LIG1: variants seen among roughly 807,000 people sequenced by gnomAD.
LIG1 encodes the protein DNA ligase 1, also known as ligase I, DNA, ATP-dependent.
In LIG1, 70 loss-of-function variants were observed where a neutral mutation model predicts 115.7. The ratio of observed to expected loss-of-function variants is 0.60; its 90% confidence interval spans 0.50 to 0.74. LIG1 has a LOEUF of 0.74. Among genes scored for constraint, LIG1 ranks in the 30% least tolerant of loss-of-function variants. The pLI is 0.00. For missense variants in LIG1, 1,115 were observed against 1,225.6 expected, an observed-to-expected ratio of 0.91 and a Z score of 1.35; for synonymous variants, 487 against 495.3, an observed-to-expected ratio of 0.98 and a Z score of 0.22.
At position 48,124,843 on chromosome 19, in the gene LIG1, C is replaced by T. The variant is rs142748801; in HGVS notation, c.2005-1525G>A. 1.3e-4 allele frequency among the ~76,000 whole-genome samples: 20 copies of T among 152,032 alleles called. No homozygotes were observed. In the East Asian group the frequency reaches 3.5e-3, roughly 27 times the overall value. On this transcript the variant is annotated intron_variant, in intron 21 of 27. Coordinates refer to ENST00000263274, the MANE Select transcript of LIG1 (RefSeq NM_000234.3). ...CAGCCTGGCCAACATGGTGAAACCC[C>T]GACTCTACTAAAAATGCACAAATTA... is the stretch of plus-strand genomic sequence containing the variant.
chr19:48,167,160 TA>T (rs1321583142), intron 1 of LIG1, among the ~76,000 whole-genome samples: 2 of 150,584 alleles, frequency 1.3e-5, no homozygotes, highest in Non-Finnish European at 3.0e-5. Flanking sequence ...ATTAAAGATA[TA>T]AAAAATTATA....
intron 1 of LIG1, among the ~76,000 whole-genome samples, chr19:48,168,542 T>C (rs891654852): frequency 2.0e-5 from 3 of 152,150 alleles, no homozygotes; most frequent in African/African-American, 7.2e-5. Context: ...TTCTGTGTAT[T>C]TGGCCCACAG....
At chr19:48,154,002 G>A (rs200617134) in intron 5 of LIG1, 35 bp from the exon 6 acceptor site, 37 of 1,566,720 alleles carry the variant, frequency 2.4e-5, no homozygotes, top group South Asian at 1.4e-4. Flanking sequence ...ATCTGACCTC[G>A]CTGGCTCGTG....
chr19:48,156,554 G>GTC (rs2035849921), intron 5 of LIG1, among the ~76,000 whole-genome samples: 2 of 152,196 alleles, frequency 1.3e-5, no homozygotes, highest in Non-Finnish European at 2.9e-5. Flanking sequence ...AGGTCATACA[G>GTC]CCAGTGGATG....
rs562083596 is a variant in LIG1, at chr19:48,160,460, G to C, written c.243+912C>G. Among the ~76,000 whole-genome samples, 6 of 152,302 alleles carry C rather than the reference G, an allele frequency of 3.9e-5. No homozygotes were observed. The East Asian group carries it at 1.2e-3, about 29-fold the overall frequency. On this transcript the variant is annotated intron_variant, in intron 4 of 27. Transcript: ENST00000263274. ...ATGCGGCTGCAGATGTGATGGGCGG[G>C]GGAAGAGAGGAGCAGCAGGAGGGGC...
In LIG1 at chr19:48,137,959, C is replaced by G; in HGVS notation, c.1088-271G>C. 2 of 558,846 alleles carry G rather than the reference C, an allele frequency of 3.6e-6. No individual in the cohort carries two copies. Among genetic ancestry groups the G allele is most frequent in the Non-Finnish European group, 6.5e-6 (2 of 307,562 alleles). The allele number at this position is 558,846 out of a possible 1,614,324, so 34.6% of individuals were successfully genotyped here. On this transcript the variant is annotated intron_variant, in intron 12 of 27. Coordinates refer to ENST00000263274, the MANE Select transcript of LIG1 (RefSeq NM_000234.3). This position sits in a 1 kb window ranked among gnomAD's most constrained non-coding sequence, Gnocchi z 4.3. ...ACCACACTCAGGGGAGACATCTGGG[C>G]CGGTGTCATCAGGGCGCGGATGGGA...
chr19:48,160,619 A>G (rs1391621653), intron 4 of LIG1, among the ~76,000 whole-genome samples: 1 of 152,232 alleles, frequency 6.6e-6, no homozygotes. Context: ...CCACAAAGCA[A>G]TGAACAAGCA....
chr19:48,118,954 C>T (rs274884), intron 25 of LIG1, among the ~76,000 whole-genome samples, 183 bp downstream of exon 25: 24,067 of 152,040 alleles, frequency 0.16, 2,327 homozygotes, highest in African/African-American at 0.28. Flanking sequence ...AGCTAGTAGC[C>T]GGCAGTGCTG....
At chr19:48,167,386 A>C (rs2036537890) in intron 1 of LIG1, among the ~76,000 whole-genome samples, 1 of 152,066 alleles carries the variant, frequency 6.6e-6, no homozygotes, top group Admixed American at 6.6e-5. Flanking sequence ...TCCTTTGCAC[A>C]GAAATCTTCT....
Position 48,137,969 on chromosome 19 carries a change from C to T in LIG1, c.1088-281G>A. 1.9e-6 allele frequency: 1 copy of T among 540,022 alleles called. No individual in the cohort carries two copies. 33.5% of individuals were successfully genotyped at this position (540,022 alleles called of 1,614,324 possible). A position where few individuals can be genotyped will look rare whatever the true frequency, so the allele number is the denominator to read the frequency against. On this transcript the variant is annotated intron_variant, in intron 12 of 27. Coordinates refer to ENST00000263274, the MANE Select transcript of LIG1 (RefSeq NM_000234.3). This position sits in a 1 kb window ranked among gnomAD's most constrained non-coding sequence, Gnocchi z 4.3. Reference sequence around the variant, plus strand: ...GGGGAGACATCTGGGCCGGTGTCATCAGGGCGCGGATGGGATTTAAAGCCA... The same window carrying T: ...GGGGAGACATCTGGGCCGGTGTCATTAGGGCGCGGATGGGATTTAAAGCCA...
At chr19:48,155,596 G>A (rs560011850) in intron 5 of LIG1, among the ~76,000 whole-genome samples, 17 of 152,244 alleles carry the variant, frequency 1.1e-4, no homozygotes, top group African/African-American at 3.1e-4. Flanking sequence ...GGCAAGCCAC[G>A]TATGTAACCT....
chr19:48,151,913 C>G (rs1000924049), intron 6 of LIG1, among the ~76,000 whole-genome samples: 1 of 151,864 alleles, frequency 6.6e-6, no homozygotes, highest in Non-Finnish European at 1.5e-5. Flanking sequence ...GTTAAAAATG[C>G]AAATGACAGC....
rs531348489 is a variant in LIG1 at position 48,123,288 on chromosome 19, G to A, written c.2035C>T (p.Arg679Trp). The A allele has an allele frequency of 8.7e-6, 14 of 1,613,994 alleles. No homozygotes were observed. Among genetic ancestry groups the A allele is most frequent in the Admixed American group, 3.3e-5 (2 of 60,020 alleles). Residue 679 changes from arginine to tryptophan, a missense_variant, in exon 22 of 28, where the codon CGG becomes TGG. Coordinates refer to ENST00000263274, the MANE Select transcript of LIG1 (RefSeq NM_000234.3). ...ACAAAGTTCTCCCGGAGCAGCTGCC[G>A]GCGCCGGGAAAGGGGCTCACGTACC... ...SLVREPLSRR[R>W]QLLRENFVET...
At chr19:48,139,767 G>A (rs1013947706) in intron 12 of LIG1, among the ~76,000 whole-genome samples, 1 of 147,524 alleles carries the variant, frequency 6.8e-6, no homozygotes, top group Non-Finnish European at 1.5e-5. Flanking sequence ...GCACATGCCT[G>A]GTCCTCCCTC....
rs566047780 is a variant in LIG1, at chr19:48,126,190, T to C, written c.2004+1087A>G. On this transcript the variant is annotated intron_variant, in intron 21 of 27. Transcript: ENST00000263274. ...ACAGAGAGGCTGAGTCATTCATCTG[T>C]AGCCATGCCGCTAGGAAGGTTAGGG... 1.6e-4 allele frequency among the ~76,000 whole-genome samples: 25 copies of C among 152,262 alleles called. No individual in the cohort carries two copies. The East Asian group carries it at 4.4e-3, about 27-fold the overall frequency.
chr19:48,159,507 G>T (rs2036048718), intron 4 of LIG1, among the ~76,000 whole-genome samples: 1 of 152,162 alleles, frequency 6.6e-6, no homozygotes, highest in Non-Finnish European at 1.5e-5. Flanking sequence ...CTGGAACCTG[G>T]GAATATGTTA....
chr19:48,157,032 T>C lies in LIG1; in HGVS notation c.352A>G (p.Ile118Val). 1.3e-6 allele frequency: 2 copies of C among 1,545,242 alleles called. No homozygotes were observed. The highest frequency in any genetic ancestry group is 2.2e-5 in the South Asian group (2 of 90,090). ...TSPMDSSPSG[I>V]PKRRTARKQL... is the part of the protein sequence containing the mutation. ...TTCTCACCTGTGCGACGCTTCGGAATCCCTGATGGGGAACTGTCCATGGGA... is the reference window on the plus strand; with the variant it reads ...TTCTCACCTGTGCGACGCTTCGGAACCCCTGATGGGGAACTGTCCATGGGA... The change falls in exon 5 of 28, where the codon ATT becomes GTT. Residue 118 changes from isoleucine to valine, a missense_variant. Physicochemically the swap from Ile to Val is conservative, Grantham distance 29. Coordinates refer to ENST00000263274, the MANE Select transcript of LIG1 (RefSeq NM_000234.3).
Position 48,123,033 on chromosome 19 carries a change from A to C in LIG1, c.2150-17T>G. The C allele has an allele frequency of 6.2e-7, 1 of 1,613,662 alleles. No individual in the cohort carries two copies. Among genetic ancestry groups the C allele is most frequent in the East Asian group, 2.2e-5 (1 of 44,872 alleles). On this transcript the variant is annotated splice_polypyrimidine_tract_variant and intron_variant, in intron 22 of 27. Coordinates refer to ENST00000263274, the MANE Select transcript of LIG1 (RefSeq NM_000234.3). Reference sequence around the variant, plus strand: ...CGCAGGAGTCTGAGGGAGACACAGAAGCGTGGTCCTTGGGAAGCCCTGGCT... The same window carrying C: ...CGCAGGAGTCTGAGGGAGACACAGACGCGTGGTCCTTGGGAAGCCCTGGCT...
chr19:48,156,522 GAGA>G (rs535043968), intron 5 of LIG1, among the ~76,000 whole-genome samples: 16 of 152,326 alleles, frequency 1.1e-4, no homozygotes, highest in African/African-American at 2.9e-4. Flanking sequence ...CCTAAGCTCA[GAGA>G]AGGTCAGTCA....
Sources: allele counts gnomAD v4.1 joint callset (sites outside exome capture counted in the v4.1 genomes callset), GRCh38; gene constraint gnomAD v4.1.1; non-coding constraint Gnocchi (gnomAD v3.1); transcripts MANE v1.5; gene names NCBI Gene and HGNC (gene_info 2026-07-23, HGNC 2026-07-21).